POTEJ: variants seen among roughly 807,000 people sequenced by gnomAD.
POTEJ encodes POTE ankyrin domain family, member J.
In POTEJ, 11 loss-of-function variants were observed where a neutral mutation model predicts 69.0. The observed-to-expected ratio is 0.16, with a 90% CI of 0.10 to 0.26. The LOEUF is 0.26. Ranked by LOEUF, POTEJ falls within the 10% of genes least tolerant of loss-of-function variation. The pLI is 1.00. For synonymous variants in POTEJ, 117 were observed against 381.1 expected (o/e 0.31, Z 8.07); for missense variants, 327 against 1,045.5 (o/e 0.31, Z 9.48).
chr2:130,656,440 C>T, intron 14 of POTEJ, 109 bp from the exon 15 acceptor site: 10 of 1,417,648 alleles, frequency 7.1e-6, no homozygotes, highest in Non-Finnish European at 8.5e-6. Context: ...TAAATATCCA[C>T]TATGGGGATT....
intron 1 of POTEJ, among the ~76,000 whole-genome samples, chr2:130,614,117 A>T (rs1685340191): frequency 7.9e-6 from 1 of 126,154 alleles, no homozygotes; most frequent in Non-Finnish European, 1.6e-5. Context: ...AGATCGCGCC[A>T]CTACATTCCA....
chr2:130,644,396 G>A (rs1313243687), intron 11 of POTEJ, among the ~76,000 whole-genome samples: 1 of 151,594 alleles, frequency 6.6e-6, no homozygotes, highest in Non-Finnish European at 1.5e-5. Context: ...CATGAACTCA[G>A]GAGAGGGAGC....
At chr2:130,625,219 A>G (rs1277193473) in intron 6 of POTEJ, among the ~76,000 whole-genome samples, 2 of 152,150 alleles carry the variant, frequency 1.3e-5, no homozygotes, top group Non-Finnish European at 1.5e-5. Context: ...AGCTGTCTCC[A>G]TTTCATTTCT....
intron 9 of POTEJ, among the ~76,000 whole-genome samples, chr2:130,637,107 G>A (rs1686122825): frequency 6.7e-6 from 1 of 149,782 alleles, no homozygotes; most frequent in Non-Finnish European, 1.5e-5. Flanking sequence ...AGTTTGACAT[G>A]GTTCTTTCTA....
intron 13 of POTEJ, among the ~76,000 whole-genome samples, chr2:130,648,078 A>G (rs1194962666): frequency 2.7e-5 from 4 of 148,148 alleles, no homozygotes; most frequent in Admixed American, 6.7e-5. Flanking sequence ...ATGAGTGTCA[A>G]CTGTCCTAGA....
At chr2:130,641,917 G>A (rs1481123811) in intron 10 of POTEJ, among the ~76,000 whole-genome samples, 1 of 152,210 alleles carries the variant, frequency 6.6e-6, no homozygotes, top group Non-Finnish European at 1.5e-5. Context: ...ACAGAATTGG[G>A]ACAGATGAAC....
chr2:130,633,989 G>T (rs1573982358), intron 9 of POTEJ, among the ~76,000 whole-genome samples: 1 of 151,164 alleles, frequency 6.6e-6, no homozygotes, highest in East Asian at 1.9e-4. Context: ...ATGGCTCACT[G>T]CAGTCTTGAC....
chr2:130,629,028 AAAG>A (rs1685809510), intron 6 of POTEJ, among the ~76,000 whole-genome samples: 1 of 152,234 alleles, frequency 6.6e-6, no homozygotes, highest in African/African-American at 2.4e-5. Flanking sequence ...CAAAAAAAAA[AAAG>A]AAAGAAAAAT....
chr2:130,640,574 G>A (rs1378465976), intron 10 of POTEJ, among the ~76,000 whole-genome samples: 607 of 150,698 alleles, frequency 4.0e-3, no homozygotes, highest in South Asian at 0.013. Flanking sequence ...TCCTTTCGTG[G>A]TTGGCTAATC....
At chr2:130,650,177 T>A (rs1410844374) in intron 13 of POTEJ, among the ~76,000 whole-genome samples, 1 of 152,274 alleles carries the variant, frequency 6.6e-6, no homozygotes, top group Non-Finnish European at 1.5e-5. Context: ...AACCTATTTG[T>A]GTCTTGACAT....
chr2:130,625,705 A>G (rs1685681266), intron 6 of POTEJ, among the ~76,000 whole-genome samples: 1 of 143,832 alleles, frequency 7.0e-6, no homozygotes, highest in Non-Finnish European at 1.5e-5. Context: ...TTGAGTGAAC[A>G]TGGCAGGGTT....
At chr2:130,643,593 G>A (rs1233050371) in intron 10 of POTEJ, among the ~76,000 whole-genome samples, 1 of 144,758 alleles carries the variant, frequency 6.9e-6, no homozygotes, top group Non-Finnish European at 1.5e-5. Context: ...TTAGGAAGAT[G>A]TTGTACACTA....
intron 13 of POTEJ, among the ~76,000 whole-genome samples, chr2:130,649,863 G>C (rs1356328703): frequency 8.6e-5 from 13 of 151,744 alleles, no homozygotes; most frequent in Non-Finnish European, 1.5e-5. Flanking sequence ...CTAGCTTACT[G>C]TTTCCATTAC....
chr2:130,613,280 GTATATATACATATATATACATA>G (rs1558915489), intron 1 of POTEJ, among the ~76,000 whole-genome samples: 1 of 47,222 alleles, frequency 2.1e-5, no homozygotes, highest in African/African-American at 2.1e-4. Context: ...ATATACATAT[GTATATATACATATATATACATA>G]TGTATATATA....
At chr2:130,650,153 C>G (rs1323009340) in intron 13 of POTEJ, among the ~76,000 whole-genome samples, 3 of 152,274 alleles carry the variant, frequency 2.0e-5, no homozygotes, top group African/African-American at 7.2e-5. Context: ...AGTGATTTAT[C>G]ATCTCTAACT....
chr2:130,619,954 G>C (rs1307829087), intron 3 of POTEJ, 91 bp from the exon 4 acceptor site: 2 of 1,570,492 alleles, frequency 1.3e-6, no homozygotes, highest in African/African-American at 1.4e-5. Context: ...ATGCGTGTAA[G>C]TCCATAAGAT....
chr2:130,655,392 T>C (rs1328964022), intron 14 of POTEJ, among the ~76,000 whole-genome samples: 1 of 152,212 alleles, frequency 6.6e-6, no homozygotes, highest in East Asian at 1.9e-4. Flanking sequence ...AATAGAGAAG[T>C]CAATTGATTA....
chr2:130,636,866 G>A lies in POTEJ; in HGVS notation c.1299-1753G>A, dbSNP rs1188377228. 1.4e-5 allele frequency among the ~76,000 whole-genome samples: 2 copies of A among 147,372 alleles called. 1 individual carries two copies. The highest frequency in any genetic ancestry group is 3.0e-5 in the Non-Finnish European group (2 of 65,610). ...ACAGCACTTTGGGAGGCCAAGGCAG[G>A]CGGATCACGAGGTCAGGAGATCGAG... On this transcript the variant is annotated intron_variant, in intron 9 of 14. Transcript: ENST00000409602.
chr2:130,646,983 G>C (rs1458782513), intron 13 of POTEJ, among the ~76,000 whole-genome samples: 1 of 149,470 alleles, frequency 6.7e-6, no homozygotes, highest in African/African-American at 2.6e-5. Context: ...TATAATACAT[G>C]TAAAGGATAT....
Sources: allele counts gnomAD v4.1 joint callset (sites outside exome capture counted in the v4.1 genomes callset), GRCh38; gene constraint gnomAD v4.1.1; transcripts MANE v1.5; gene names NCBI Gene and HGNC (gene_info 2026-07-23, HGNC 2026-07-21).